Variants in MRTFB observed in about 807,000 individuals in gnomAD.
MRTFB encodes myocardin related transcription factor B.
In MRTFB, 29 loss-of-function variants were observed where a neutral mutation model predicts 104.2. The observed-to-expected ratio is 0.28, with a 90% CI of 0.21 to 0.38. The LOEUF is 0.38. Among genes scored for constraint, MRTFB ranks in the 10% least tolerant of loss-of-function variants. The probability of loss-of-function intolerance (pLI) is 1.00; values close to 1 mark genes in which losing one functional copy is unlikely to be tolerated. For missense variants in MRTFB, 1,270 were observed against 1,341.6 expected, an observed-to-expected ratio of 0.95 and a Z score of 0.83; for synonymous variants, 535 against 519.5, an observed-to-expected ratio of 1.03 and a Z score of -0.41.
chr16:14,140,783 G>A, intron 3 of MRTFB, 23 bp downstream of exon 3: 1 of 1,613,462 alleles, frequency 6.2e-7, no homozygotes. Context: ...TGTGCAATGG[G>A]ATCTTTGATT....
At chr16:14,186,863 A>C in intron 3 of MRTFB, 1 of 1,597,360 alleles carries the variant, frequency 6.3e-7, no homozygotes, top group Non-Finnish European at 8.5e-7. Flanking sequence ...GCTCTTCTGC[A>C]AATTAAGCTT....
chr16:14,069,405 G>T (rs768551226), upstream of MRTFB, among the ~76,000 whole-genome samples: 6 of 152,218 alleles, frequency 3.9e-5, no homozygotes, highest in Non-Finnish European at 7.3e-5. Context: ...TATGTCACCA[G>T]TTTCCCTGGC....
At position 14,246,737 on chromosome 16, in the gene MRTFB, G is replaced by A. The variant is rs528040132; in HGVS notation, c.1477G>A (p.Ala493Thr). 36 of 1,614,130 alleles carry A rather than the reference G, an allele frequency of 2.2e-5. No homozygotes were observed. In the South Asian group the frequency reaches 2.7e-4, roughly 12 times the overall value. Residue 493 changes from alanine (A) to threonine (T), a missense_variant, in exon 12 of 17, where the codon GCA becomes ACA. Around this residue, in one of 3 missense-constraint regions of MRTFB, gnomAD observed 1,144 missense variants for 1,131.5 expected, o/e 1.01. Coordinates refer to ENST00000571589, the MANE Select transcript of MRTFB (RefSeq NM_001308142.2). Reference protein sequence around the residue: ...AELPPTGTSNATRVENVHSPL... With the variant: ...AELPPTGTSNTTRVENVHSPL... Reference sequence around the variant, plus strand: ...ATTGCCACCTACAGGAACCAGCAACGCAACCCGTGTGGAAAATGTTCATTC... The same window carrying A: ...ATTGCCACCTACAGGAACCAGCAACACAACCCGTGTGGAAAATGTTCATTC...
the MRTFB span, among the ~76,000 whole-genome samples, chr16:14,024,615 C>G: frequency 2.0e-5 from 3 of 152,174 alleles, no homozygotes; most frequent in African/African-American, 7.2e-5. Flanking sequence ...AGAAGGATGG[C>G]CATTGCTGCA....
At chr16:14,253,764 G>A (rs149349231) in intron 15 of MRTFB, among the ~76,000 whole-genome samples, 97 of 152,280 alleles carry the variant, frequency 6.4e-4, no homozygotes, top group African/African-American at 2.1e-3. Context: ...CCTGAGTACC[G>A]AGGGAACGTA....
At chr16:14,058,111 G>C in the MRTFB span, among the ~76,000 whole-genome samples, 1 of 152,202 alleles carries the variant, frequency 6.6e-6, no homozygotes, top group Admixed American at 6.5e-5. Flanking sequence ...GATGGAATGG[G>C]CTTGGCAGGC....
Position 14,252,511 on chromosome 16 carries a change from G to A in MRTFB, c.2703+9G>A. On this transcript the variant is annotated intron_variant, in intron 15 of 16. Transcript: ENST00000571589. ...AGGCCCCTCTGCCAGAGGTAAGTGA[G>A]GGCACGGTCATGGTGCATAAGGCTA... The A allele has an allele frequency of 6.2e-7, 1 of 1,613,914 alleles. No individual in the cohort carries two copies. Among genetic ancestry groups the A allele is most frequent in the Non-Finnish European group, 8.5e-7 (1 of 1,179,930 alleles).
chr16:14,223,274 T>C (rs2041823223), intron 8 of MRTFB, among the ~76,000 whole-genome samples: 1 of 151,830 alleles, frequency 6.6e-6, no homozygotes, highest in Admixed American at 6.6e-5. Context: ...CATACCACTA[T>C]ACTCTAGCCT....
At chr16:14,198,561 G>T (rs2040541450) in intron 3 of MRTFB, among the ~76,000 whole-genome samples, 1 of 152,186 alleles carries the variant, frequency 6.6e-6, no homozygotes, top group African/African-American at 2.4e-5. Context: ...ACTAGTTGGA[G>T]CATTTCGGTA....
chr16:14,244,872 T>C (rs924448980), intron 10 of MRTFB, among the ~76,000 whole-genome samples: 9 of 152,236 alleles, frequency 5.9e-5, no homozygotes, highest in African/African-American at 1.9e-4. Flanking sequence ...CTTAAAGATG[T>C]CCCTTTTACT....
At chr16:14,055,826 G>A in the MRTFB span, among the ~76,000 whole-genome samples, 3 of 151,896 alleles carry the variant, frequency 2.0e-5, no homozygotes, top group Admixed American at 1.3e-4. Flanking sequence ...ATCTCTCGGG[G>A]GAGATACTTC....
At chr16:14,150,539 A>C (rs2038562364) in intron 3 of MRTFB, among the ~76,000 whole-genome samples, 1 of 152,188 alleles carries the variant, frequency 6.6e-6, no homozygotes, top group African/African-American at 2.4e-5. Context: ...TGGAGACAAG[A>C]AAATGTTATT....
chr16:14,240,962 A>G (rs1218639984), intron 10 of MRTFB: 5 of 571,986 alleles, frequency 8.7e-6, no homozygotes, highest in Non-Finnish European at 1.5e-5. Context: ...GTACAGAGGA[A>G]GGAATAGAGT....
At chr16:14,225,271 C>T (rs988886453) in intron 8 of MRTFB, among the ~76,000 whole-genome samples, 12 of 152,042 alleles carry the variant, frequency 7.9e-5, no homozygotes, top group Non-Finnish European at 1.6e-4. Context: ...TTTTTTCCTA[C>T]AGGATTTAAA....
chr16:14,102,428 G>A (rs534780231), intron 2 of MRTFB, among the ~76,000 whole-genome samples: 12 of 152,290 alleles, frequency 7.9e-5, no homozygotes, highest in Middle Eastern at 3.4e-3. Flanking sequence ...ATGACAAAAT[G>A]TGTTGAGTTA....
chr16:14,218,923 G>A lies in MRTFB; in HGVS notation c.618G>A (p.Gln206=), dbSNP rs749663624. The A allele has an allele frequency of 6.2e-7, 1 of 1,614,104 alleles. No individual in the cohort carries two copies. Among genetic ancestry groups the A allele is most frequent in the African/African-American group, 1.3e-5 (1 of 75,032 alleles). ...ACCAGCCTGCGAGTCAGGAGTCACA[G>A]GGGTCAGCCGCGTCCCCAAGTGAGC... ...SPDQPASQES[Q]GSAASPSEPK... is the part of the protein sequence containing the mutation. The change falls in exon 8 of 17, where the codon CAG becomes CAA. Residue 206 remains glutamine, a synonymous_variant. Coordinates refer to ENST00000571589, the MANE Select transcript of MRTFB (RefSeq NM_001308142.2).
the MRTFB span, among the ~76,000 whole-genome samples, chr16:14,036,219 T>C: frequency 7.9e-6 from 1 of 126,702 alleles, no homozygotes; most frequent in South Asian, 2.3e-4. Context: ...ATATAAAATA[T>C]ATATAATATA....
chr16:14,012,782 A>G, the MRTFB span, among the ~76,000 whole-genome samples: 1 of 152,256 alleles, frequency 6.6e-6, no homozygotes, highest in South Asian at 2.1e-4. Context: ...TCCAAAGCCC[A>G]TACTCTAACC....
the MRTFB span, among the ~76,000 whole-genome samples, chr16:14,039,715 T>C: frequency 6.6e-6 from 1 of 151,840 alleles, no homozygotes. Context: ...ATATGCTATG[T>C]CTATTATCTA....
Sources: gnomAD v4.1 joint callset for allele counts (sites outside exome capture counted in the v4.1 genomes callset) on GRCh38, gnomAD v4.1.1 for gene constraint, gnomAD v4.1.1 regional missense constraint, MANE v1.5 for transcripts, NCBI Gene and HGNC (gene_info 2026-07-23, HGNC 2026-07-21) for gene names.